GRIK1: variants seen among roughly 807,000 people sequenced by gnomAD.
GRIK1 encodes glutamate receptor ionotropic, kainate 1.
Under a neutral mutation model 105.7 loss-of-function variants are expected in GRIK1, and 69 were observed. The observed-to-expected ratio is 0.65, with a 90% CI of 0.54 to 0.80. The LOEUF (loss-of-function observed/expected upper bound fraction) is 0.80, where lower values mean the gene tolerates loss of function less well. GRIK1 is among the 30% of genes least tolerant of loss of function. The pLI is 0.00. For synonymous variants in GRIK1, 438 were observed against 431.3 expected (o/e 1.02, Z -0.19); for missense variants, 1,109 against 1,167.3 (o/e 0.95, Z 0.73).
chr21:29,569,269 G>T (rs937505287), intron 14 of GRIK1, among the ~76,000 whole-genome samples: 1 of 152,210 alleles, frequency 6.6e-6, no homozygotes, highest in Non-Finnish European at 1.5e-5. Flanking sequence ...GATGTTATAA[G>T]TGATAGTTAC....
chr21:29,617,049 A>T (rs559099826), intron 7 of GRIK1, among the ~76,000 whole-genome samples: 13 of 152,338 alleles, frequency 8.5e-5, no homozygotes, highest in Non-Finnish European at 1.3e-4. Context: ...TATAATAAGT[A>T]AAAACCAGTG....
At chr21:29,809,557 A>C (rs1053182586) in intron 1 of GRIK1, among the ~76,000 whole-genome samples, 3 of 152,178 alleles carry the variant, frequency 2.0e-5, no homozygotes, top group Non-Finnish European at 2.9e-5. Flanking sequence ...TTGAGCTTCT[A>C]TCCAGACCAC....
intron 1 of GRIK1, among the ~76,000 whole-genome samples, chr21:29,862,818 A>G (rs896356519): frequency 1.3e-5 from 2 of 152,238 alleles, no homozygotes; most frequent in African/African-American, 2.4e-5. Flanking sequence ...ATTTATATTT[A>G]TGTTACCACT....
At chr21:29,904,768 C>G (rs1303663583) in intron 1 of GRIK1, among the ~76,000 whole-genome samples, 1 of 152,192 alleles carries the variant, frequency 6.6e-6, no homozygotes, top group Non-Finnish European at 1.5e-5. Context: ...AAGTGTTGAC[C>G]TGAGCCAGAA....
chr21:29,562,529 C>A lies in GRIK1; in HGVS notation c.2131-680G>T, dbSNP rs1169262227. ...AATTAGCCAGGTGTCGTGGCATGTGCCTGTAATCCCAGCTACTCAGGAGGC... is the reference window on the plus strand; with the variant it reads ...AATTAGCCAGGTGTCGTGGCATGTGACTGTAATCCCAGCTACTCAGGAGGC... On this transcript the variant is annotated intron_variant, in intron 14 of 17. Transcript: ENST00000327783. Among the ~76,000 whole-genome samples, 3 of 152,080 alleles carry A rather than the reference C, an allele frequency of 2.0e-5. No homozygotes were observed. In the East Asian group the frequency reaches 5.8e-4, roughly 29 times the overall value.
chr21:29,603,995 A>T (rs1192862944), intron 7 of GRIK1, among the ~76,000 whole-genome samples: 2 of 152,186 alleles, frequency 1.3e-5, no homozygotes, highest in African/African-American at 4.8e-5. Context: ...TACATTGTCC[A>T]GAATTTACAG....
At chr21:29,689,116 G>C (rs1046286927) in intron 3 of GRIK1, among the ~76,000 whole-genome samples, 1 of 151,728 alleles carries the variant, frequency 6.6e-6, no homozygotes, top group African/African-American at 2.4e-5. Context: ...GGGGGGTGGT[G>C]CCAGTAAAAG....
intron 7 of GRIK1, among the ~76,000 whole-genome samples, chr21:29,625,083 G>A (rs1244400766): frequency 6.6e-6 from 1 of 152,158 alleles, no homozygotes; most frequent in Non-Finnish European, 1.5e-5. Flanking sequence ...GTTAATTGAT[G>A]TGTCTATTAA....
intron 16 of GRIK1, among the ~76,000 whole-genome samples, chr21:29,541,188 G>C: frequency 6.6e-6 from 1 of 152,152 alleles, no homozygotes; most frequent in Admixed American, 6.5e-5. Context: ...GGATGGTCTT[G>C]ATCTCCTGAC....
intron 4 of GRIK1, among the ~76,000 whole-genome samples, chr21:29,666,128 G>T (rs1010237664): frequency 6.6e-6 from 1 of 152,190 alleles, no homozygotes; most frequent in Admixed American, 6.5e-5. Flanking sequence ...AATAAGCCAG[G>T]CTTGGTGGCT....
intron 1 of GRIK1, among the ~76,000 whole-genome samples, chr21:29,790,594 T>G (rs569338850): frequency 1.3e-5 from 2 of 152,142 alleles, no homozygotes; most frequent in East Asian, 3.9e-4. Flanking sequence ...TGAGTGGGGC[T>G]ACAGGCGTGC....
chr21:29,621,206 C>T (rs777180570), intron 7 of GRIK1, among the ~76,000 whole-genome samples: 7 of 152,012 alleles, frequency 4.6e-5, no homozygotes, highest in Non-Finnish European at 8.8e-5. Flanking sequence ...AAAGTAATAA[C>T]AGTACATTAA....
intron 1 of GRIK1, among the ~76,000 whole-genome samples, chr21:29,881,537 T>C (rs1189581608): frequency 1.3e-5 from 2 of 152,100 alleles, no homozygotes; most frequent in African/African-American, 4.8e-5. Flanking sequence ...TGGAACTCTA[T>C]TGGAAATGTT....
At chr21:29,892,463 T>C (rs1037132963) in intron 1 of GRIK1, among the ~76,000 whole-genome samples, 3 of 152,230 alleles carry the variant, frequency 2.0e-5, no homozygotes, top group African/African-American at 7.2e-5. Flanking sequence ...TTGGATTTGA[T>C]ACAAAGCTGA....
At chr21:29,827,577 C>T (rs2067496605) in intron 1 of GRIK1, among the ~76,000 whole-genome samples, 1 of 152,028 alleles carries the variant, frequency 6.6e-6, no homozygotes, top group Non-Finnish European at 1.5e-5. Context: ...CATGTCATAA[C>T]TGTCGTAAAT....
In GRIK1 at chr21:29,687,393, G is replaced by A. The variant is rs370239882; in HGVS notation, c.544+2335C>T. On this transcript the variant is annotated intron_variant, in intron 3 of 17. Coordinates refer to ENST00000327783, the MANE Select transcript of GRIK1 (RefSeq NM_001330994.2). ...ACTAAAGGCAAGAACCCTGAGTCAA[G>A]CAGTATAAAACCCACTCACAGTCAC... Among the ~76,000 whole-genome samples, 6 of 152,258 alleles carry A rather than the reference G, an allele frequency of 3.9e-5. No homozygotes were observed. In the East Asian group the frequency reaches 7.7e-4, roughly 20 times the overall value.
intron 1 of GRIK1, among the ~76,000 whole-genome samples, chr21:29,747,831 G>C (rs933376418): frequency 2.0e-5 from 3 of 152,030 alleles, no homozygotes; most frequent in African/African-American, 7.2e-5. Context: ...CCATCTCAAA[G>C]AAAAAAGAAT....
intron 1 of GRIK1, among the ~76,000 whole-genome samples, chr21:29,842,274 C>G (rs1006461385): frequency 1.3e-5 from 2 of 151,932 alleles, no homozygotes; most frequent in Admixed American, 6.6e-5. Context: ...TTCATCTCCC[C>G]GTTTCTGTTT....
intron 5 of GRIK1, among the ~76,000 whole-genome samples, chr21:29,653,587 C>T (rs1461022830): frequency 6.6e-6 from 1 of 152,186 alleles, no homozygotes; most frequent in Non-Finnish European, 1.5e-5. Flanking sequence ...AGGCAGATGG[C>T]CATGTCACCT....
Sources: allele counts gnomAD v4.1 joint callset (sites outside exome capture counted in the v4.1 genomes callset), GRCh38; gene constraint gnomAD v4.1.1; transcripts MANE v1.5; gene names NCBI Gene and HGNC (gene_info 2026-07-23, HGNC 2026-07-21).